Variants in GPHN observed in about 807,000 individuals in gnomAD.
GPHN encodes gephyrin.
In GPHN, 17 loss-of-function variants were observed where a neutral mutation model predicts 95.5. The ratio of observed to expected loss-of-function variants is 0.18; its 90% confidence interval spans 0.12 to 0.27. The LOEUF is 0.27. Among genes scored for constraint, GPHN ranks in the 10% least tolerant of loss-of-function variants. The pLI, the probability that GPHN is intolerant of heterozygous loss-of-function variation, is 1.00. For synonymous variants in GPHN, 320 were observed against 322.5 expected, an observed-to-expected ratio of 0.99 and a Z score of 0.08; for missense variants, 660 against 978.1, an observed-to-expected ratio of 0.67 and a Z score of 4.34.
intron 1 of GPHN, among the ~76,000 whole-genome samples, chr14:66,648,209 A>G (rs1483220574): frequency 6.6e-6 from 1 of 152,126 alleles, no homozygotes; most frequent in Admixed American, 6.5e-5. Context: ...AAAGACACGT[A>G]TTCAGGAAAA....
At chr14:67,142,147 G>GA (rs2080500755) in intron 17 of GPHN, among the ~76,000 whole-genome samples, 1 of 152,164 alleles carries the variant, frequency 6.6e-6, no homozygotes, top group Admixed American at 6.5e-5. Flanking sequence ...GGAAGAAAGG[G>GA]AAAGGAAGAG....
intron 1 of GPHN, among the ~76,000 whole-genome samples, chr14:66,547,461 A>G (rs1354400431): frequency 2.0e-5 from 3 of 152,236 alleles, no homozygotes; most frequent in Non-Finnish European, 2.9e-5. Context: ...CATATGACGC[A>G]TGGGCCAAGG....
rs145382468 is a variant in GPHN at position 66,604,753 on chromosome 14, G to T, written c.65-76354G>T. On this transcript the variant is annotated intron_variant, in intron 1 of 22. Transcript: ENST00000478722. ...GTACATGTACAGATTTGTTACATGG[G>T]TATATTGCATGATGCTGAGGTTTGG... 5.5e-3 allele frequency among the ~76,000 whole-genome samples: 839 copies of T among 152,100 alleles called. 4 individuals carry two copies. Among genetic ancestry groups the T allele is most frequent in the African/African-American group, 0.019 (801 of 41,490 alleles).
chr14:66,545,217 C>G (rs1268767238), intron 1 of GPHN, among the ~76,000 whole-genome samples: 1 of 149,810 alleles, frequency 6.7e-6, no homozygotes, highest in African/African-American at 2.5e-5. Flanking sequence ...GCTGACCCCC[C>G]CACCTCCCTC....
At chr14:66,802,458 G>T (rs950064068) in intron 3 of GPHN, among the ~76,000 whole-genome samples, 3 of 152,050 alleles carry the variant, frequency 2.0e-5, no homozygotes, top group Non-Finnish European at 4.4e-5. Flanking sequence ...AACCCCCTGT[G>T]GCCAAGTTGG....
intron 11 of GPHN, among the ~76,000 whole-genome samples, chr14:67,082,219 A>G (rs1327942158): frequency 3.3e-5 from 5 of 151,970 alleles, no homozygotes. Context: ...TATTGATTCT[A>G]CCCACCCATG....
chr14:67,107,269 G>C (rs1481912576), intron 13 of GPHN, among the ~76,000 whole-genome samples: 1 of 152,136 alleles, frequency 6.6e-6, no homozygotes, highest in Admixed American at 6.5e-5. Flanking sequence ...CCTCCAAGCA[G>C]CTACAGTGGC....
At chr14:67,640,642 T>TTAC in the GPHN span, among the ~76,000 whole-genome samples, 3 of 152,220 alleles carry the variant, frequency 2.0e-5, no homozygotes, top group Non-Finnish European at 4.4e-5. Flanking sequence ...TCTTATCTTG[T>TTAC]TACTGCCCCT....
intron 18 of GPHN, among the ~76,000 whole-genome samples, chr14:67,144,286 T>TATACACATATATATATATATATATATAC (rs1421893686): frequency 1.3e-5 from 1 of 78,126 alleles, no homozygotes; most frequent in African/African-American, 6.4e-5. Flanking sequence ...TATATATATA[T>TATACACATATATATATATATATATATAC]ACACACACAC....
At chr14:67,089,778 G>A (rs544163971) in intron 12 of GPHN, among the ~76,000 whole-genome samples, 14 of 152,138 alleles carry the variant, frequency 9.2e-5, no homozygotes, top group African/African-American at 1.7e-4. Flanking sequence ...AAATTCTGGC[G>A]CCCCAGCAGC....
chr14:67,006,068 C>CAT (rs10631809), intron 9 of GPHN, among the ~76,000 whole-genome samples: 51,825 of 151,500 alleles, frequency 0.34, 12,553 homozygotes, highest in African/African-American at 0.67. Context: ...CATAGTTTTT[C>CAT]TTCTTTTTTG....
the GPHN span, chr14:67,199,788 T>C: frequency 2.0e-5 from 30 of 1,526,004 alleles, no homozygotes; most frequent in Non-Finnish European, 2.6e-5. Context: ...CCTGGCTCCT[T>C]CCCACCCCCA....
the GPHN span, among the ~76,000 whole-genome samples, chr14:67,728,583 A>G: frequency 7.2e-5 from 11 of 152,260 alleles, no homozygotes; most frequent in East Asian, 1.4e-3. Context: ...GTATCATAAC[A>G]TAATATTCTA....
At chr14:67,199,423 C>A in the GPHN span, 2 of 1,613,328 alleles carry the variant, frequency 1.2e-6, no homozygotes, top group Non-Finnish European at 1.7e-6. Flanking sequence ...ATACTTTCAG[C>A]GCCTTTGGGG....
chr14:67,111,736 A>C, intron 14 of GPHN, 125 bp from the exon 15 acceptor site: 1 of 769,274 alleles, frequency 1.3e-6, no homozygotes, highest in Non-Finnish European at 2.3e-6. Flanking sequence ...GGGTGTAGCA[A>C]ATAGTTTTCT....
At chr14:67,007,377 G>C (rs370073639) in intron 9 of GPHN, among the ~76,000 whole-genome samples, 37 of 152,250 alleles carry the variant, frequency 2.4e-4, no homozygotes, top group African/African-American at 8.4e-4. Context: ...TGATATGTGG[G>C]CTGATGAAAT....
the GPHN span, chr14:67,228,660 TA>T: frequency 6.6e-6 from 1 of 152,272 alleles, no homozygotes; most frequent in African/African-American, 2.4e-5. Context: ...TTTCAATTCA[TA>T]AACTCAGTTT....
the GPHN span, chr14:67,388,090 A>T: frequency 4.9e-6 from 3 of 607,396 alleles, no homozygotes; most frequent in East Asian, 5.5e-5. Context: ...ATTCACTTCA[A>T]AACTCACACC....
chr14:67,302,522 A>G, the GPHN span: 4 of 1,591,382 alleles, frequency 2.5e-6, no homozygotes, highest in East Asian at 2.3e-5. Flanking sequence ...CTAGAGATTA[A>G]TGGCATTGAA....
Sources: gnomAD v4.1 joint callset for allele counts (sites outside exome capture counted in the v4.1 genomes callset) on GRCh38, gnomAD v4.1.1 for gene constraint, MANE v1.5 for transcripts, NCBI Gene and HGNC (gene_info 2026-07-23, HGNC 2026-07-21) for gene names.